Variants in CTXN3 observed in about 807,000 individuals in gnomAD.
CTXN3 encodes the protein cortexin-3.
A neutral mutation model predicts 5.0 loss-of-function variants in CTXN3; 4 were observed. That is an observed-to-expected ratio of 0.79 (90% CI 0.39 to 1.82). The LOEUF is 1.82. Among genes scored for constraint, CTXN3 ranks in the 40% most tolerant of loss-of-function variants. The probability of loss-of-function intolerance (pLI) is 0.04; values close to 1 mark genes in which losing one functional copy is unlikely to be tolerated. For synonymous variants in CTXN3, 48 were observed against 38.6 expected (o/e 1.24, Z -0.91); for missense variants, 89 against 99.7 (o/e 0.89, Z 0.46).
chr5:127,657,581 T>A lies in CTXN3; in HGVS notation c.60T>A (p.Asp20Glu). 3.7e-6 allele frequency: 6 copies of A among 1,614,128 alleles called. No individual in the cohort carries two copies. Among genetic ancestry groups the A allele is most frequent in the Non-Finnish European group, 5.1e-6 (6 of 1,180,004 alleles). ...TGCCCCTTGGGAACGAATCAGCAGATTCTAGCATGTCCCTGGAGCAGAAAA... is the reference window on the plus strand; with the variant it reads ...TGCCCCTTGGGAACGAATCAGCAGAATCTAGCATGTCCCTGGAGCAGAAAA... ...SLVPLGNESA[D>E]SSMSLEQKMT... Residue 20 changes from aspartate (D) to glutamate (E), a missense_variant, in exon 3 of 3, where the codon GAT becomes GAA. Physicochemically the swap from Asp to Glu is conservative, Grantham distance 45 (BLOSUM62 2). Coordinates refer to ENST00000379445, the MANE Select transcript of CTXN3 (RefSeq NM_001048252.3).
intron 1 of CTXN3, among the ~76,000 whole-genome samples, chr5:127,649,642 A>G (rs1749742505): frequency 6.6e-6 from 1 of 152,202 alleles, no homozygotes; most frequent in Admixed American, 6.5e-5. Context: ...GAAGTAGTAA[A>G]ACAGGCTTTT....
Position 127,657,898 on chromosome 5 carries a change from C to CA in CTXN3, c.*132dup, listed in dbSNP as rs1411412955. On this transcript the variant is annotated 3_prime_UTR_variant, in exon 3 of 3. Coordinates refer to ENST00000379445, the MANE Select transcript of CTXN3 (RefSeq NM_001048252.3). ...GTCCCAGGACCATAATCCATTATTC[C>CA]ATAAATATGCAGTTGGGTTAAAGAC... The CA allele has an allele frequency of 1.6e-5, 17 of 1,061,418 alleles. No individual in the cohort carries two copies. In the Admixed American group the frequency reaches 4.1e-4, roughly 25 times the overall value. The allele number at this position is 1,061,418 out of a possible 1,614,324, so 65.7% of individuals were successfully genotyped here. A position where few individuals can be genotyped will look rare whatever the true frequency, so the allele number is the denominator to read the frequency against.
At position 127,657,989 on chromosome 5, in the gene CTXN3, G is replaced by A. The variant is rs1561422532; in HGVS notation, c.*222G>A. On this transcript the variant is annotated 3_prime_UTR_variant, in exon 3 of 3. Coordinates refer to ENST00000379445, the MANE Select transcript of CTXN3 (RefSeq NM_001048252.3). ...AACATAAGAAGGTTTAAATTTTTAT[G>A]TTTGCTCAATGAATGAGTACTCTTA... is the stretch of plus-strand genomic sequence containing the variant. 1 of 549,250 alleles carries A rather than the reference G, an allele frequency of 1.8e-6. No homozygotes were observed. The highest frequency in any genetic ancestry group is 3.5e-5 in the East Asian group (1 of 28,980). 34.0% of individuals were successfully genotyped at this position (549,250 alleles called of 1,614,324 possible).
At chr5:127,656,900 G>T (rs779108483) in intron 2 of CTXN3, among the ~76,000 whole-genome samples, 2 of 152,138 alleles carry the variant, frequency 1.3e-5, no homozygotes, top group Admixed American at 1.3e-4. Context: ...CCTGGAGAAG[G>T]TTTCTATTTT....
intron 1 of CTXN3, chr5:127,652,387 A>G (rs979788954): frequency 3.3e-5 from 5 of 152,120 alleles, no homozygotes; most frequent in African/African-American, 7.2e-5. Flanking sequence ...GATTTGATTT[A>G]ACTTATATTT....
At chr5:127,652,214 T>C (rs996232913) in intron 1 of CTXN3, 1 of 152,198 alleles carries the variant, frequency 6.6e-6, no homozygotes, top group African/African-American at 2.4e-5. Context: ...AGTGTCATTG[T>C]GACTTGAACT....
chr5:127,655,944 C>T (rs1047042829), intron 2 of CTXN3, among the ~76,000 whole-genome samples: 1 of 152,116 alleles, frequency 6.6e-6, no homozygotes, highest in Non-Finnish European at 1.5e-5. Context: ...GTTTTTTAAA[C>T]TGTAATTTTA....
At chr5:127,651,066 C>T (rs745563065) in intron 1 of CTXN3, among the ~76,000 whole-genome samples, 5 of 152,088 alleles carry the variant, frequency 3.3e-5, no homozygotes, top group African/African-American at 7.2e-5. Context: ...TGTTGGTCAC[C>T]GCAAATTCAG....
intron 2 of CTXN3, chr5:127,653,665 T>C (rs1053699507): frequency 6.6e-6 from 1 of 152,242 alleles, no homozygotes; most frequent in African/African-American, 2.4e-5. Context: ...TCTTGAGATA[T>C]TTTTGTATTG....
In CTXN3 at chr5:127,658,011, C is replaced by G. The variant is rs1329639862; in HGVS notation, c.*244C>G. The G allele has an allele frequency of 2.1e-6, 1 of 480,474 alleles. No individual in the cohort carries two copies. Among genetic ancestry groups the G allele is most frequent in the Middle Eastern group, 6.1e-4 (1 of 1,648 alleles). The allele number at this position is 480,474 out of a possible 1,614,324, so 29.8% of individuals were successfully genotyped here. A position where few individuals can be genotyped will look rare whatever the true frequency, so the allele number is the denominator to read the frequency against. ...TATGTTTGCTCAATGAATGAGTACT[C>G]TTAAAATTGTGTGATTGTGAAACCA... is the stretch of plus-strand genomic sequence containing the variant. On this transcript the variant is annotated 3_prime_UTR_variant, in exon 3 of 3. Coordinates refer to ENST00000379445, the MANE Select transcript of CTXN3 (RefSeq NM_001048252.3).
rs367856467 is a variant in CTXN3, at chr5:127,657,770, G to C, written c.*3G>C. 3.3e-4 allele frequency: 527 copies of C among 1,613,964 alleles called. No homozygotes were observed. The highest frequency in any genetic ancestry group is 4.3e-4 in the Non-Finnish European group (508 of 1,179,946). On this transcript the variant is annotated 3_prime_UTR_variant, in exon 3 of 3. Transcript: ENST00000379445. Reference sequence around the variant, plus strand: ...AGTTCGACCATGCCCTTGCTTAGGAGGGATGGTGTGGGATCTCCTCCTGAG... The same window carrying C: ...AGTTCGACCATGCCCTTGCTTAGGACGGATGGTGTGGGATCTCCTCCTGAG...
At chr5:127,651,278 G>A (rs943614788) in intron 1 of CTXN3, among the ~76,000 whole-genome samples, 9 of 152,148 alleles carry the variant, frequency 5.9e-5, no homozygotes, top group Non-Finnish European at 1.0e-4. Flanking sequence ...TTGAAACCAC[G>A]TCAAGTCACG....
chr5:127,658,521 T>G lies in CTXN3; in HGVS notation c.*754T>G, dbSNP rs966441029. On this transcript the variant is annotated 3_prime_UTR_variant, in exon 3 of 3. Coordinates refer to ENST00000379445, the MANE Select transcript of CTXN3 (RefSeq NM_001048252.3). Reference sequence around the variant, plus strand: ...AATAGGTTGCAAGTGCAGCTTAAAGTTTTTTTTCAATGAAAAGTTAATTGT... The same window carrying G: ...AATAGGTTGCAAGTGCAGCTTAAAGGTTTTTTTCAATGAAAAGTTAATTGT... 6.0e-6 allele frequency: 1 copy of G among 166,504 alleles called. No homozygotes were observed. The highest frequency in any genetic ancestry group is 1.5e-5 in the Non-Finnish European group (1 of 68,090). 10.3% of individuals were successfully genotyped at this position (166,504 alleles called of 1,614,324 possible).
chr5:127,651,767 G>C (rs189162534), intron 1 of CTXN3: 37 of 151,808 alleles, frequency 2.4e-4, no homozygotes, highest in Admixed American at 7.9e-4. Context: ...AAGTCCCTGT[G>C]TGTGGCTCCA....
chr5:127,657,930 G>C lies in CTXN3; in HGVS notation c.*163G>C. On this transcript the variant is annotated 3_prime_UTR_variant, in exon 3 of 3. Coordinates refer to ENST00000379445, the MANE Select transcript of CTXN3 (RefSeq NM_001048252.3). ...ATGCAGTTGGGTTAAAGACATTTGA[G>C]GATGTTGGAAATGGACACTTATATA... 1.2e-6 allele frequency: 1 copy of C among 835,444 alleles called. No homozygotes were observed. Among genetic ancestry groups the C allele is most frequent in the Non-Finnish European group, 1.8e-6 (1 of 541,092 alleles). The allele number at this position is 835,444 out of a possible 1,614,324, so 51.8% of individuals were successfully genotyped here.
chr5:127,651,650 AT>A (rs754894381), intron 1 of CTXN3: 8 of 152,034 alleles, frequency 5.3e-5, no homozygotes, highest in Non-Finnish European at 1.2e-4. Context: ...TACTTATCAA[AT>A]CCCCACTATG....
At chr5:127,655,168 CA>C (rs1401669414) in intron 2 of CTXN3, among the ~76,000 whole-genome samples, 4 of 152,120 alleles carry the variant, frequency 2.6e-5, no homozygotes, top group African/African-American at 9.7e-5. Context: ...GAGGCTGAGG[CA>C]GGAGAATCAC....
At position 127,658,560 on chromosome 5, in the gene CTXN3, C is replaced by G. The variant is rs541268870; in HGVS notation, c.*793C>G. The G allele has an allele frequency of 2.4e-5, 4 of 166,708 alleles. No homozygotes were observed. The highest frequency in any genetic ancestry group is 2.1e-4 in the South Asian group (1 of 4,818). 10.3% of individuals were successfully genotyped at this position (166,708 alleles called of 1,614,324 possible). A position where few individuals can be genotyped will look rare whatever the true frequency, so the allele number is the denominator to read the frequency against. On this transcript the variant is annotated 3_prime_UTR_variant, in exon 3 of 3. Coordinates refer to ENST00000379445, the MANE Select transcript of CTXN3 (RefSeq NM_001048252.3). Reference sequence around the variant, plus strand: ...AAAGTTAATTGTTTAGAGGAGAAGACTTTTATAGTCTTCAGAGGAATGTGT... The same window carrying G: ...AAAGTTAATTGTTTAGAGGAGAAGAGTTTTATAGTCTTCAGAGGAATGTGT...
intron 2 of CTXN3, among the ~76,000 whole-genome samples, chr5:127,656,305 T>G (rs190130464): frequency 6.6e-6 from 1 of 152,350 alleles, no homozygotes; most frequent in Admixed American, 6.5e-5. Context: ...ATACTTGTCA[T>G]GTATATACTT....
Sources: gnomAD v4.1 joint callset for allele counts (sites outside exome capture counted in the v4.1 genomes callset) on GRCh38, gnomAD v4.1.1 for gene constraint, MANE v1.5 for transcripts, NCBI Gene and HGNC (gene_info 2026-07-23, HGNC 2026-07-21) for gene names.